The following TMEM50A variants were observed in gnomAD, a reference collection of about 807,000 sequenced individuals.
The protein encoded by TMEM50A is cervical cancer oncogene 9.
Under a neutral mutation model 23.9 loss-of-function variants are expected in TMEM50A, and 8 were observed. The observed-to-expected ratio is 0.33, with a 90% CI of 0.20 to 0.60. The LOEUF is 0.60. Ranked by LOEUF, TMEM50A falls within the 20% of genes least tolerant of loss-of-function variation. TMEM50A has a pLI of 0.81. For synonymous variants in TMEM50A, 55 were observed against 60.4 expected, an observed-to-expected ratio of 0.91 and a Z score of 0.41; for missense variants, 178 against 192.7, an observed-to-expected ratio of 0.92 and a Z score of 0.45.
At chr1:25,356,320 G>A (rs181050446) in intron 5 of TMEM50A, among the ~76,000 whole-genome samples, 2 of 152,196 alleles carry the variant, frequency 1.3e-5, no homozygotes, top group Non-Finnish European at 2.9e-5. Flanking sequence ...GGCTGTTCCT[G>A]TAATTCACTG....
chr1:25,357,253 G>A (rs1334818016), intron 6 of TMEM50A, among the ~76,000 whole-genome samples: 1 of 152,122 alleles, frequency 6.6e-6, no homozygotes, highest in African/African-American at 2.4e-5. Flanking sequence ...TGATATCGTA[G>A]AGTTTGTGAG....
rs773325649 is a variant in TMEM50A at position 25,351,621 on chromosome 1, T to C, written c.207-5T>C. 2 of 1,602,772 alleles carry C rather than the reference T, an allele frequency of 1.2e-6. No individual in the cohort carries two copies. The highest frequency in any genetic ancestry group is 2.3e-5 in the South Asian group (2 of 88,022). On this transcript the variant is annotated splice_region_variant and splice_polypyrimidine_tract_variant and intron_variant, in intron 3 of 6. Coordinates refer to ENST00000374358, the MANE Select transcript of TMEM50A (RefSeq NM_014313.4). Reference sequence around the variant, plus strand: ...TGATTTCTTGGTTTTATTTTATTCATACAGGATTAATGCAGTATCGAATGG... The same window carrying C: ...TGATTTCTTGGTTTTATTTTATTCACACAGGATTAATGCAGTATCGAATGG...
At chr1:25,340,797 GT>G (rs759235753) in intron 2 of TMEM50A, among the ~76,000 whole-genome samples, 3 of 152,142 alleles carry the variant, frequency 2.0e-5, no homozygotes, top group East Asian at 1.9e-4. Flanking sequence ...TAACTGCATG[GT>G]AAAAATGGCA....
intron 3 of TMEM50A, among the ~76,000 whole-genome samples, chr1:25,346,081 C>T (rs1185400156): frequency 6.6e-6 from 1 of 152,134 alleles, no homozygotes; most frequent in Non-Finnish European, 1.5e-5. Flanking sequence ...AGCCACCACA[C>T]CCGGCCGATA....
At chr1:25,349,920 T>A (rs945304305) in intron 3 of TMEM50A, among the ~76,000 whole-genome samples, 1 of 152,264 alleles carries the variant, frequency 6.6e-6, no homozygotes, top group African/African-American at 2.4e-5. Flanking sequence ...ATAGGTATAA[T>A]GTTTTGTAAC....
chr1:25,356,210 C>T (rs996979698), intron 5 of TMEM50A, among the ~76,000 whole-genome samples: 10 of 152,310 alleles, frequency 6.6e-5, no homozygotes, highest in African/African-American at 2.4e-4. Context: ...TCGTCTCACT[C>T]AGAGTAAAAA....
chr1:25,341,677 C>A (rs1217584922), intron 2 of TMEM50A, among the ~76,000 whole-genome samples: 1 of 151,882 alleles, frequency 6.6e-6, no homozygotes, highest in Non-Finnish European at 1.5e-5. Context: ...CCGCACCAAG[C>A]CATTTTTTCT....
At chr1:25,352,658 T>C (rs1571804196) in intron 4 of TMEM50A, among the ~76,000 whole-genome samples, 1 of 152,132 alleles carries the variant, frequency 6.6e-6, no homozygotes, top group African/African-American at 2.4e-5. Context: ...TATGCACTTA[T>C]ACAGACTCAT....
chr1:25,342,921 G>A, intron 2 of TMEM50A, 40 bp from the exon 3 acceptor site: 1 of 1,549,004 alleles, frequency 6.5e-7, no homozygotes, highest in Non-Finnish European at 8.9e-7. Context: ...GTGAGATACA[G>A]AATTGCTATG....
At chr1:25,357,946 A>T (rs1645352976) in intron 6 of TMEM50A, among the ~76,000 whole-genome samples, 2 of 113,820 alleles carry the variant, frequency 1.8e-5, no homozygotes, top group African/African-American at 3.5e-5. Context: ...CTGCATCAGG[A>T]GTTCTTTTTT....
At chr1:25,341,713 G>A (rs750751341) in intron 2 of TMEM50A, among the ~76,000 whole-genome samples, 2 of 151,878 alleles carry the variant, frequency 1.3e-5, no homozygotes, top group Non-Finnish European at 2.9e-5. Flanking sequence ...ATTTATTTTC[G>A]AGACAGGGTC....
intron 3 of TMEM50A, among the ~76,000 whole-genome samples, chr1:25,346,781 G>T (rs985441296): frequency 6.6e-6 from 1 of 152,134 alleles, no homozygotes; most frequent in Non-Finnish European, 1.5e-5. Context: ...CACTTTGGGA[G>T]GCCAAAGTGG....
In TMEM50A at chr1:25,351,511, T is replaced by TA. The variant is rs66744254; in HGVS notation, c.207-101dup. ...GCAACAGAGTGAGACCCTGTATCTT[T>TA]AAAAAAAAAAAAAAGACTTTCAGGC... On this transcript the variant is annotated intron_variant, in intron 3 of 6. Coordinates refer to ENST00000374358, the MANE Select transcript of TMEM50A (RefSeq NM_014313.4). 1,200 of 583,278 alleles carry TA rather than the reference T, an allele frequency of 2.1e-3. 3 individuals are homozygous for TA. Among genetic ancestry groups the TA allele is most frequent in the African/African-American group, 0.016 (807 of 51,004 alleles). 36.1% of individuals were successfully genotyped at this position (583,278 alleles called of 1,614,324 possible).
At chr1:25,348,710 A>G (rs988233821) in intron 3 of TMEM50A, among the ~76,000 whole-genome samples, 1 of 151,502 alleles carries the variant, frequency 6.6e-6, no homozygotes, top group Non-Finnish European at 1.5e-5. Flanking sequence ...AGGATATGCC[A>G]ATAAGCAAAA....
intron 3 of TMEM50A, among the ~76,000 whole-genome samples, chr1:25,345,120 C>CTTTTTTT (rs775789415): frequency 8.5e-6 from 1 of 117,458 alleles, no homozygotes; most frequent in African/African-American, 3.2e-5. Flanking sequence ...ACCACATCTT[C>CTTTTTTT]TTTTTTTTTT....
chr1:25,354,508 A>G (rs1402540724), intron 5 of TMEM50A, among the ~76,000 whole-genome samples: 1 of 152,066 alleles, frequency 6.6e-6, no homozygotes, highest in East Asian at 1.9e-4. Flanking sequence ...GCTACTCGGG[A>G]GACTGACGTG....
chr1:25,341,467 C>T (rs950356832), intron 2 of TMEM50A, among the ~76,000 whole-genome samples: 2 of 152,102 alleles, frequency 1.3e-5, no homozygotes, highest in African/African-American at 2.4e-5. Context: ...GCCGTGGTCT[C>T]GATCTCCTGA....
intron 1 of TMEM50A, among the ~76,000 whole-genome samples, chr1:25,339,770 AT>A (rs1645147903): frequency 6.6e-6 from 1 of 152,332 alleles, no homozygotes; most frequent in South Asian, 2.1e-4. Context: ...TAGTAATCAT[AT>A]ACTTGGTATT....
rs1645392554 is a variant in TMEM50A at position 25,360,775 on chromosome 1, C to A, written c.*70C>A. ...TTGTTTTTTTACTGCTCACTCCCAA[C>A]CTTTTGTAATGCCATTTTCTAAACT... On this transcript the variant is annotated 3_prime_UTR_variant, in exon 7 of 7. Transcript: ENST00000374358. 1 of 1,512,826 alleles carries A rather than the reference C, an allele frequency of 6.6e-7. No individual in the cohort carries two copies. The highest frequency in any genetic ancestry group is 9.1e-7 in the Non-Finnish European group (1 of 1,095,590). 93.7% of individuals were successfully genotyped at this position (1,512,826 alleles called of 1,614,324 possible).
Sources: gnomAD v4.1 joint callset for allele counts (sites outside exome capture counted in the v4.1 genomes callset) on GRCh38, gnomAD v4.1.1 for gene constraint, MANE v1.5 for transcripts, NCBI Gene and HGNC (gene_info 2026-07-23, HGNC 2026-07-21) for gene names.